Variants in DLGAP2 observed in about 807,000 individuals in gnomAD.
The protein encoded by DLGAP2 is DLG associated protein 2, also known as disks large-associated protein 2.
A neutral mutation model predicts 100.3 loss-of-function variants in DLGAP2; 26 were observed. That is an observed-to-expected ratio of 0.26 (90% CI 0.19 to 0.36). DLGAP2 has a LOEUF of 0.36. Ranked by LOEUF, DLGAP2 falls within the 10% of genes least tolerant of loss-of-function variation. The probability of loss-of-function intolerance (pLI) is 1.00; values close to 1 mark genes in which losing one functional copy is unlikely to be tolerated. For missense variants in DLGAP2, 1,858 were observed against 1,453.2 expected, an observed-to-expected ratio of 1.28 and a Z score of -4.53; for synonymous variants, 886 against 630.1, an observed-to-expected ratio of 1.41 and a Z score of -6.08.
Position 1,694,879 on chromosome 8 carries a change from C to A in DLGAP2, c.2797-2268C>A, listed in dbSNP as rs576806444. ...GACTTTTTTTTTTTATTATAAACAC[C>A]TTATCATCTCTGAATGTTCAGTGGA... On this transcript the variant is annotated intron_variant, in intron 13 of 14. Transcript: ENST00000637795. Among the ~76,000 whole-genome samples, 19 of 152,088 alleles carry A rather than the reference C, an allele frequency of 1.2e-4. No individual in the cohort carries two copies. In the South Asian group the frequency reaches 3.7e-3, roughly 30 times the overall value.
intron 1 of DLGAP2, among the ~76,000 whole-genome samples, chr8:776,716 A>C (rs1000992981): frequency 6.6e-6 from 1 of 152,290 alleles, no homozygotes; most frequent in Admixed American, 6.5e-5. Context: ...TCTGAGAGAT[A>C]GTTTCTTATA....
intron 2 of DLGAP2, among the ~76,000 whole-genome samples, chr8:1,199,605 GC>G (rs1449021029): frequency 2.6e-5 from 4 of 152,138 alleles, no homozygotes; most frequent in Non-Finnish European, 4.4e-5. Context: ...ATCTTCATGA[GC>G]CAAACTCATG....
At chr8:1,319,334 C>G (rs1202091975) in intron 3 of DLGAP2, among the ~76,000 whole-genome samples, 4 of 152,206 alleles carry the variant, frequency 2.6e-5, no homozygotes, top group South Asian at 2.1e-4. Context: ...TTCTCTGACT[C>G]AAATCCCAGA....
chr8:1,207,223 C>G (rs1241987976), intron 2 of DLGAP2, among the ~76,000 whole-genome samples: 1 of 152,164 alleles, frequency 6.6e-6, no homozygotes, highest in Non-Finnish European at 1.5e-5. Flanking sequence ...GTCTTTTATC[C>G]TCCACCCCTT....
At chr8:1,134,779 G>A (rs1354739260) in intron 2 of DLGAP2, among the ~76,000 whole-genome samples, 6 of 152,120 alleles carry the variant, frequency 3.9e-5, no homozygotes, top group African/African-American at 1.4e-4. Flanking sequence ...CGGCAGGCGA[G>A]GGAGAGCATG....
At chr8:1,620,874 C>T (rs930940627) in intron 6 of DLGAP2, among the ~76,000 whole-genome samples, 2 of 152,232 alleles carry the variant, frequency 1.3e-5, no homozygotes, top group African/African-American at 4.8e-5. Context: ...ATCAAGCTGT[C>T]TGGGGTGTCC....
chr8:1,601,945 G>GGTGTGTGTGTGTGTGTGTGT lies in DLGAP2; in HGVS notation c.1443-24779_1443-24760dup, dbSNP rs55762722. On this transcript the variant is annotated intron_variant, in intron 6 of 14. Coordinates refer to ENST00000637795, the MANE Select transcript of DLGAP2 (RefSeq NM_001346810.2). ...TGATCCTAAAACCTTAATTTAACAGGGTGTGTGTGTGTGTGTGTGTGTGTG... is the reference window on the plus strand; with the variant it reads ...TGATCCTAAAACCTTAATTTAACAGGGTGTGTGTGTGTGTGTGTGTGTGTGTGTGTGTGTGTGTGTGTGTG... Among the ~76,000 whole-genome samples, 26 of 146,452 alleles carry GGTGTGTGTGTGTGTGTGTGT rather than the reference G, an allele frequency of 1.8e-4. 1 individual carries two copies. Among genetic ancestry groups the GGTGTGTGTGTGTGTGTGTGT allele is most frequent in the Admixed American group, 6.8e-5 (1 of 14,716 alleles).
intron 3 of DLGAP2, among the ~76,000 whole-genome samples, chr8:1,417,639 G>A (rs35293493): frequency 8.8e-6 from 1 of 114,226 alleles, no homozygotes; most frequent in African/African-American, 3.1e-5. Context: ...CTCCAGGGGG[G>A]CACGGGGAGC....
chr8:1,144,354 T>G (rs2129050820), intron 2 of DLGAP2, among the ~76,000 whole-genome samples: 1 of 152,372 alleles, frequency 6.6e-6, no homozygotes, highest in East Asian at 1.9e-4. Flanking sequence ...GGCCACGTCC[T>G]AAAGTTTAGT....
intron 3 of DLGAP2, among the ~76,000 whole-genome samples, chr8:1,462,704 G>C (rs1051552854): frequency 6.6e-6 from 1 of 152,152 alleles, no homozygotes; most frequent in Non-Finnish European, 1.5e-5. Flanking sequence ...TGGGGAAGGG[G>C]AAGGGACCAG....
At chr8:858,870 T>G (rs1380556171) in intron 1 of DLGAP2, among the ~76,000 whole-genome samples, 2 of 152,182 alleles carry the variant, frequency 1.3e-5, no homozygotes, top group African/African-American at 4.8e-5. Flanking sequence ...GTAGCCCTCG[T>G]GTAATCAGTG....
intron 2 of DLGAP2, among the ~76,000 whole-genome samples, chr8:1,116,006 G>A (rs538628579): frequency 3.3e-5 from 5 of 152,198 alleles, no homozygotes; most frequent in South Asian, 2.1e-4. Context: ...AGACAGCACC[G>A]TGGGAGCCAT....
At chr8:1,465,694 A>G (rs1289247646) in intron 3 of DLGAP2, among the ~76,000 whole-genome samples, 1 of 152,216 alleles carries the variant, frequency 6.6e-6, no homozygotes, top group African/African-American at 2.4e-5. Flanking sequence ...AGGCTCAGAC[A>G]GCCGTGTGGA....
chr8:1,695,556 G>C (rs35655444), intron 13 of DLGAP2, among the ~76,000 whole-genome samples: 36,607 of 141,090 alleles, frequency 0.26, 4,402 homozygotes, highest in Middle Eastern at 0.31. Context: ...AGAGGGCACA[G>C]CCATGCCCGG....
chr8:874,970 C>T (rs374011905), intron 1 of DLGAP2, among the ~76,000 whole-genome samples: 1 of 152,166 alleles, frequency 6.6e-6, no homozygotes, highest in African/African-American at 2.4e-5. Context: ...GTTATTGCTC[C>T]TGATGGGTTG....
rs147184131 is a variant in DLGAP2 at position 1,452,287 on chromosome 8, G to A, written c.107-49079G>A. ...GTGGCTGGGTGTTCTGTGGCTGGGC[G>A]CTCTGTTGCACAGTGAAGGGCCAAG... On this transcript the variant is annotated intron_variant, in intron 3 of 14. Transcript: ENST00000637795. 2.1e-4 allele frequency among the ~76,000 whole-genome samples: 32 copies of A among 152,338 alleles called. 1 individual carries two copies. The highest frequency in any genetic ancestry group is 1.0e-3 in the South Asian group (5 of 4,828).
At chr8:1,250,844 A>G (rs188198945) in intron 2 of DLGAP2, among the ~76,000 whole-genome samples, 3 of 152,210 alleles carry the variant, frequency 2.0e-5, no homozygotes, top group African/African-American at 7.2e-5. Context: ...TCCTGATTAC[A>G]GTCAGGCGCC....
chr8:787,391 G>A (rs1329209157), intron 1 of DLGAP2, among the ~76,000 whole-genome samples: 2 of 152,224 alleles, frequency 1.3e-5, no homozygotes, highest in Non-Finnish European at 2.9e-5. Flanking sequence ...GTTGCAAGCC[G>A]AGGAAGGGTG....
At chr8:1,381,035 T>C (rs1796082215) in intron 3 of DLGAP2, 2 of 150,088 alleles carry the variant, frequency 1.3e-5, no homozygotes, top group Admixed American at 1.3e-4. Context: ...ACTTAAATAA[T>C]ATAAGGAGTT....
Sources: gnomAD v4.1 joint callset for allele counts (sites outside exome capture counted in the v4.1 genomes callset) on GRCh38, gnomAD v4.1.1 for gene constraint, MANE v1.5 for transcripts, NCBI Gene and HGNC (gene_info 2026-07-23, HGNC 2026-07-21) for gene names.